Variants in DENND1B observed in about 807,000 individuals in gnomAD.
DENND1B encodes the protein DENN domain containing 1B.
In DENND1B, 59 loss-of-function variants were observed where a neutral mutation model predicts 90.1. That is an observed-to-expected ratio of 0.65 (90% CI 0.53 to 0.81). The LOEUF (loss-of-function observed/expected upper bound fraction) is 0.81, where lower values mean the gene tolerates loss of function less well. Ranked by LOEUF, DENND1B falls within the 40% of genes least tolerant of loss-of-function variation. The probability of loss-of-function intolerance (pLI) is 0.00; values close to 1 mark genes in which losing one functional copy is unlikely to be tolerated. For missense variants in DENND1B, 862 were observed against 912.6 expected (o/e 0.94, Z 0.71); for synonymous variants, 337 against 324.6 (o/e 1.04, Z -0.41).
chr1:197,703,119 C>A lies in DENND1B; in HGVS notation c.126+11912G>T, dbSNP rs1002769932. Among the ~76,000 whole-genome samples, 5 of 152,030 alleles carry A rather than the reference C, an allele frequency of 3.3e-5. No individual in the cohort carries two copies. In the East Asian group the frequency reaches 9.7e-4, roughly 29 times the overall value. On this transcript the variant is annotated intron_variant, in intron 3 of 22. Transcript: ENST00000620048. ...TCTCCTGCCTCAGTCTCCCAAGTAG[C>A]TGGGATTACAGGCCTGCACCACCAG...
intron 3 of DENND1B, among the ~76,000 whole-genome samples, chr1:197,706,370 G>A (rs780240419): frequency 6.6e-6 from 1 of 152,112 alleles, no homozygotes; most frequent in Non-Finnish European, 1.5e-5. Context: ...GTTGCGTTGG[G>A]CAAAGATTTC....
Position 197,651,645 on chromosome 1 carries a change from C to CTTT in DENND1B, c.447+587_447+589dup, listed in dbSNP as rs34012616. Among the ~76,000 whole-genome samples the CTTT allele has an allele frequency of 8.6e-4, 53 of 61,562 alleles. 9 individuals are homozygous for CTTT. Among genetic ancestry groups the CTTT allele is most frequent in the African/African-American group, 2.4e-3 (32 of 13,520 alleles). The allele number at this position is 61,562 out of a possible 152,430, so 40.4% of individuals were successfully genotyped here. ...GGATTTCACCTGAAAATCAATGCTT[C>CTTT]TTTTTTTTTTTTTTTTTTTTTTTTT... On this transcript the variant is annotated intron_variant, in intron 7 of 22. Transcript: ENST00000620048.
At chr1:197,727,687 C>T (rs1661773726) in intron 2 of DENND1B, among the ~76,000 whole-genome samples, 1 of 152,140 alleles carries the variant, frequency 6.6e-6, no homozygotes, top group African/African-American at 2.4e-5. Flanking sequence ...AGAGCAAACA[C>T]AAGTTCACAA....
chr1:197,511,005 A>G, intron 22 of DENND1B, 33 bp from the exon 23 acceptor site: 1 of 1,466,482 alleles, frequency 6.8e-7, no homozygotes, highest in Non-Finnish European at 9.0e-7. Flanking sequence ...AACTCAGAAA[A>G]CTTTTAATAA....
intron 2 of DENND1B, among the ~76,000 whole-genome samples, chr1:197,767,315 GAGTCT>G (rs1342975021): frequency 6.6e-6 from 1 of 151,874 alleles, no homozygotes; most frequent in Non-Finnish European, 1.5e-5. Flanking sequence ...AAATGTTGTA[GAGTCT>G]AGTGTAGATA....
chr1:197,528,909 C>A (rs1360333046), intron 20 of DENND1B, among the ~76,000 whole-genome samples: 2 of 151,540 alleles, frequency 1.3e-5, no homozygotes, highest in African/African-American at 2.4e-5. Flanking sequence ...ACTCTTTATA[C>A]CTCAAAACTA....
At chr1:197,705,150 T>A (rs539193558) in intron 3 of DENND1B, among the ~76,000 whole-genome samples, 1 of 152,068 alleles carries the variant, frequency 6.6e-6, no homozygotes, top group Non-Finnish European at 1.5e-5. Flanking sequence ...GAGAATGCAG[T>A]TGGTAGAGAA....
intron 16 of DENND1B, among the ~76,000 whole-genome samples, chr1:197,550,496 G>A (rs968781090): frequency 4.6e-5 from 7 of 152,136 alleles, no homozygotes; most frequent in African/African-American, 1.7e-4. Flanking sequence ...AAAATGATGA[G>A]TTCATGTCCT....
chr1:197,631,612 C>A (rs902503312), intron 10 of DENND1B, among the ~76,000 whole-genome samples: 25 of 151,652 alleles, frequency 1.6e-4, no homozygotes, highest in African/African-American at 6.1e-4. Flanking sequence ...TCGCAAACCA[C>A]CAGCAACTGA....
intron 15 of DENND1B, among the ~76,000 whole-genome samples, chr1:197,560,148 T>C (rs1672045555): frequency 6.6e-6 from 1 of 151,956 alleles, no homozygotes; most frequent in Non-Finnish European, 1.5e-5. Flanking sequence ...TTCAAGGATA[T>C]GTCAATTGAC....
At chr1:197,589,745 C>T (rs571097265) in intron 14 of DENND1B, among the ~76,000 whole-genome samples, 25 of 152,190 alleles carry the variant, frequency 1.6e-4, no homozygotes, top group South Asian at 4.2e-4. Context: ...AACGGAGGAC[C>T]GGATTACTAA....
chr1:197,713,828 TA>T (rs1290012322), intron 3 of DENND1B, among the ~76,000 whole-genome samples: 47 of 23,028 alleles, frequency 2.0e-3, no homozygotes, highest in African/African-American at 7.6e-3. Context: ...TAATATATTA[TA>T]TATAATATAT....
At chr1:197,754,347 A>G (rs1653977472) in intron 2 of DENND1B, among the ~76,000 whole-genome samples, 1 of 152,170 alleles carries the variant, frequency 6.6e-6, no homozygotes, top group African/African-American at 2.4e-5. Flanking sequence ...TAAATGAGAT[A>G]CATACACAGT....
intron 13 of DENND1B, among the ~76,000 whole-genome samples, chr1:197,604,578 C>T (rs1014836119): frequency 6.6e-6 from 1 of 151,076 alleles, no homozygotes; most frequent in African/African-American, 2.4e-5. Flanking sequence ...AGTACACATG[C>T]ATAGAAAGTC....
At position 197,652,228 on chromosome 1, in the gene DENND1B, T is replaced by A. The variant is rs1239609140; in HGVS notation, c.447+7A>T. 13 of 1,608,900 alleles carry A rather than the reference T, an allele frequency of 8.1e-6. No homozygotes were observed. Among genetic ancestry groups the A allele is most frequent in the East Asian group, 2.3e-5 (1 of 44,432 alleles). ...CTCCCAAAAACAATTACTGATTGAA[T>A]ACTTACCACACTCAAATTTACAGGA... On this transcript the variant is annotated splice_region_variant and intron_variant, in intron 7 of 22. Transcript: ENST00000620048.
chr1:197,672,439 CTCA>C (rs1185141716), intron 4 of DENND1B, among the ~76,000 whole-genome samples: 4 of 152,002 alleles, frequency 2.6e-5, no homozygotes, highest in Non-Finnish European at 4.4e-5. Flanking sequence ...ACTAAAAGTG[CTCA>C]TATTTCATAA....
chr1:197,600,152 A>G (rs1676070484), intron 13 of DENND1B, among the ~76,000 whole-genome samples: 1 of 151,818 alleles, frequency 6.6e-6, no homozygotes, highest in Non-Finnish European at 1.5e-5. Flanking sequence ...TGGCTGGACC[A>G]CAAAAGGCTG....
chr1:197,684,435 T>A (rs956420681), intron 3 of DENND1B, among the ~76,000 whole-genome samples: 1 of 152,196 alleles, frequency 6.6e-6, no homozygotes, highest in Non-Finnish European at 1.5e-5. Context: ...AGCAGATGCC[T>A]AAATGTGATG....
chr1:197,671,526 C>A (rs897496657), intron 5 of DENND1B, among the ~76,000 whole-genome samples: 1 of 152,078 alleles, frequency 6.6e-6, no homozygotes, highest in East Asian at 1.9e-4. Context: ...AAAAGGAATT[C>A]GAAATATGAA....
Sources: gnomAD v4.1 joint callset for allele counts (sites outside exome capture counted in the v4.1 genomes callset) on GRCh38, gnomAD v4.1.1 for gene constraint, MANE v1.5 for transcripts, NCBI Gene and HGNC (gene_info 2026-07-23, HGNC 2026-07-21) for gene names.